The following BCAS3 variants were observed in gnomAD, a reference collection of about 807,000 sequenced individuals.
BCAS3 encodes BCAS3 microtubule associated cell migration factor.
Under a neutral mutation model 116.1 loss-of-function variants are expected in BCAS3, and 53 were observed. The ratio of observed to expected loss-of-function variants is 0.46; its 90% CI spans 0.37 to 0.57. BCAS3 has a LOEUF of 0.57. Ranked by LOEUF, BCAS3 falls within the 20% of genes least tolerant of loss-of-function variation. The pLI, the probability that BCAS3 is intolerant of heterozygous loss-of-function variation, is 0.00. For synonymous variants in BCAS3, 391 were observed against 408.2 expected (o/e 0.96, Z 0.51); for missense variants, 917 against 1,165.4 (o/e 0.79, Z 3.10).
chr17:60,936,575 A>G (rs2059939497), intron 13 of BCAS3, among the ~76,000 whole-genome samples: 1 of 152,112 alleles, frequency 6.6e-6, no homozygotes, highest in African/African-American at 2.4e-5. Context: ...ATGGTATCTC[A>G]TAGTGGTTTT....
chr17:61,299,268 T>C (rs941767649), intron 22 of BCAS3, among the ~76,000 whole-genome samples: 1 of 151,272 alleles, frequency 6.6e-6, no homozygotes, highest in Non-Finnish European at 1.5e-5. Context: ...ACGGTGAAAC[T>C]CTGTCTCTAC....
chr17:60,952,545 C>T (rs184578135), intron 14 of BCAS3, among the ~76,000 whole-genome samples: 1 of 152,222 alleles, frequency 6.6e-6, no homozygotes, highest in Non-Finnish European at 1.5e-5. Context: ...GCCTCAAACT[C>T]CTGACCTCAG....
chr17:61,298,295 A>C (rs2053118618), intron 22 of BCAS3, among the ~76,000 whole-genome samples: 1 of 152,088 alleles, frequency 6.6e-6, no homozygotes, highest in South Asian at 2.1e-4. Flanking sequence ...CCACAGAGAC[A>C]CTCACTACAG....
At chr17:61,257,925 C>G (rs945876433) in intron 22 of BCAS3, among the ~76,000 whole-genome samples, 3 of 152,184 alleles carry the variant, frequency 2.0e-5, no homozygotes, top group South Asian at 2.1e-4. Flanking sequence ...TCTTTTCTTT[C>G]TTACCTCCCA....
chr17:61,117,537 G>A (rs1469358746), intron 22 of BCAS3, among the ~76,000 whole-genome samples: 1 of 152,172 alleles, frequency 6.6e-6, no homozygotes, highest in Non-Finnish European at 1.5e-5. Context: ...TGAGGCTGTA[G>A]TGAGCTATGA....
At chr17:60,740,054 T>C (rs1010010276) in intron 5 of BCAS3, among the ~76,000 whole-genome samples, 1 of 152,186 alleles carries the variant, frequency 6.6e-6, no homozygotes, top group African/African-American at 2.4e-5. Flanking sequence ...AATTTGAAAA[T>C]GGTATGCCTT....
rs538598119 is a variant in BCAS3 at position 61,236,506 on chromosome 17, G to C, written c.2426-131821G>C. On this transcript the variant is annotated intron_variant, in intron 22 of 23. Coordinates refer to ENST00000407086, the MANE Select transcript of BCAS3 (RefSeq NM_017679.5). ...GGCTAATTTTTTTGTATTTTTAGTA[G>C]AGACGGGGTTTCACTGTGTTAGCCA... Among the ~76,000 whole-genome samples, 10 of 152,198 alleles carry C rather than the reference G, an allele frequency of 6.6e-5. No individual in the cohort carries two copies. The East Asian group carries it at 1.9e-3, about 29-fold the overall frequency.
At chr17:61,295,445 C>G (rs887438762) in intron 22 of BCAS3, among the ~76,000 whole-genome samples, 1 of 152,198 alleles carries the variant, frequency 6.6e-6, no homozygotes, top group Non-Finnish European at 1.5e-5. Context: ...AGGCAAAGGA[C>G]AGACTGAGAG....
intron 5 of BCAS3, among the ~76,000 whole-genome samples, chr17:60,713,574 G>A (rs538715380): frequency 6.6e-6 from 1 of 152,278 alleles, no homozygotes; most frequent in African/African-American, 2.4e-5. Context: ...TACTGAACAC[G>A]TATAGAGTTT....
intron 4 of BCAS3, among the ~76,000 whole-genome samples, chr17:60,697,459 C>T (rs1052679863): frequency 2.0e-5 from 3 of 151,188 alleles, no homozygotes; most frequent in Non-Finnish European, 2.9e-5. Context: ...GGCAGGTGCC[C>T]GTAATCCCAG....
chr17:60,867,807 G>A (rs1488269577), intron 7 of BCAS3, among the ~76,000 whole-genome samples: 2 of 152,068 alleles, frequency 1.3e-5, no homozygotes, highest in East Asian at 3.9e-4. Context: ...ATACTGTGTT[G>A]AATAGAAGTT....
chr17:60,946,087 T>A (rs1265420726), intron 13 of BCAS3, among the ~76,000 whole-genome samples: 1 of 152,112 alleles, frequency 6.6e-6, no homozygotes, highest in East Asian at 1.9e-4. Flanking sequence ...GCCACTGCAC[T>A]CCAGCCTGGG....
rs2071670602 is a variant in BCAS3, at chr17:61,073,825, G to A, written c.2030-1095G>A. ...CTTGATTTCTCTGAGTATTAAAATG[G>A]TAGGCCAGGCGTGGTGGTTCATGCC... is the stretch of plus-strand genomic sequence containing the variant. On this transcript the variant is annotated intron_variant, in intron 19 of 23. Transcript: ENST00000407086. This position sits in a 1 kb window ranked among gnomAD's most constrained non-coding sequence, Gnocchi z 4.6. Among the ~76,000 whole-genome samples the A allele has an allele frequency of 6.6e-6, 1 of 151,698 alleles. No individual in the cohort carries two copies. Among genetic ancestry groups the A allele is most frequent in the Non-Finnish European group, 1.5e-5 (1 of 67,928 alleles).
chr17:61,385,327 C>G (rs373469543), intron 23 of BCAS3, among the ~76,000 whole-genome samples: 6 of 152,218 alleles, frequency 3.9e-5, no homozygotes, highest in African/African-American at 1.4e-4. Flanking sequence ...GTCTCTCTCT[C>G]TCTCCAAGCC....
At chr17:61,334,562 G>T (rs775996852) in intron 22 of BCAS3, among the ~76,000 whole-genome samples, 1 of 151,062 alleles carries the variant, frequency 6.6e-6, no homozygotes, top group Non-Finnish European at 1.5e-5. Context: ...TACTCAGGAG[G>T]CTGAGGCAGG....
At chr17:61,182,028 T>A (rs1057263361) in intron 22 of BCAS3, among the ~76,000 whole-genome samples, 3 of 152,028 alleles carry the variant, frequency 2.0e-5, no homozygotes, top group Admixed American at 2.0e-4. Flanking sequence ...TGTGCACCAC[T>A]ACACCTGGCT....
intron 5 of BCAS3, among the ~76,000 whole-genome samples, chr17:60,745,053 C>T (rs1476774102): frequency 1.3e-5 from 2 of 151,754 alleles, no homozygotes; most frequent in African/African-American, 4.8e-5. Flanking sequence ...AGTACAGCAG[C>T]TCATTTAAAT....
At position 60,920,094 on chromosome 17, in the gene BCAS3, A is replaced by G. The variant is rs532553764; in HGVS notation, c.994-4313A>G. Among the ~76,000 whole-genome samples, 11 of 152,328 alleles carry G rather than the reference A, an allele frequency of 7.2e-5. No individual in the cohort carries two copies. The East Asian group carries it at 2.1e-3, about 29-fold the overall frequency. On this transcript the variant is annotated intron_variant, in intron 12 of 23. Coordinates refer to ENST00000407086, the MANE Select transcript of BCAS3 (RefSeq NM_017679.5). ...TTGTTTGAAAATAAAAAGATGGTAA[A>G]AAATATATCACATGCTTTAAAAATT...
intron 4 of BCAS3, among the ~76,000 whole-genome samples, chr17:60,695,484 A>G (rs2035475413): frequency 6.6e-6 from 1 of 152,156 alleles, no homozygotes. Context: ...TGGCTTTGGG[A>G]ACAATGCTGT....
Sources: allele counts gnomAD v4.1 joint callset (sites outside exome capture counted in the v4.1 genomes callset), GRCh38; gene constraint gnomAD v4.1.1; non-coding constraint Gnocchi (gnomAD v3.1); transcripts MANE v1.5; gene names NCBI Gene and HGNC (gene_info 2026-07-23, HGNC 2026-07-21).